BCL9: variants seen among roughly 807,000 people sequenced by gnomAD.
The protein encoded by BCL9 is BCL9 transcription coactivator, also known as B-cell CLL/lymphoma 9 protein.
In BCL9, 25 loss-of-function variants were observed where a neutral mutation model predicts 88.5. That is an observed-to-expected ratio of 0.28 (90% confidence interval 0.21 to 0.39). BCL9 has a LOEUF of 0.39. Ranked by LOEUF, BCL9 falls within the 10% of genes least tolerant of loss-of-function variation. The probability of loss-of-function intolerance (pLI) is 1.00; values close to 1 mark genes in which losing one functional copy is unlikely to be tolerated. For synonymous variants in BCL9, 711 were observed against 673.3 expected, an observed-to-expected ratio of 1.06 and a Z score of -0.87; for missense variants, 1,817 against 1,877.8, an observed-to-expected ratio of 0.97 and a Z score of 0.60.
intron 7 of BCL9, among the ~76,000 whole-genome samples, chr1:147,617,238 AT>A (rs1396915635): frequency 6.6e-6 from 1 of 152,178 alleles, no homozygotes; most frequent in Non-Finnish European, 1.5e-5. Context: ...GCAGTTCTTA[AT>A]ACCTACACCT....
intron 1 of BCL9, among the ~76,000 whole-genome samples, chr1:147,596,945 T>A (rs1657082826): frequency 6.6e-6 from 1 of 152,206 alleles, no homozygotes; most frequent in Non-Finnish European, 1.5e-5. Flanking sequence ...ATAACCCTGA[T>A]ACTAGCTGGC....
intron 1 of BCL9, among the ~76,000 whole-genome samples, chr1:147,555,129 A>G (rs1450466715): frequency 1.3e-5 from 2 of 152,142 alleles, no homozygotes; most frequent in East Asian, 1.9e-4. Context: ...GGGTACTGCT[A>G]TTATCCTCAT....
At chr1:147,584,448 G>A (rs1361686348) in intron 1 of BCL9, among the ~76,000 whole-genome samples, 1 of 152,166 alleles carries the variant, frequency 6.6e-6, no homozygotes, top group Non-Finnish European at 1.5e-5. Context: ...AGTATGAGAT[G>A]AGGATCTTAA....
At chr1:147,593,556 A>G (rs1231087042) in intron 1 of BCL9, among the ~76,000 whole-genome samples, 6 of 152,166 alleles carry the variant, frequency 3.9e-5, no homozygotes, top group African/African-American at 1.2e-4. Context: ...TTGCTTGTCA[A>G]TATTTTTAAC....
intron 1 of BCL9, among the ~76,000 whole-genome samples, chr1:147,552,457 T>C (rs1193293818): frequency 1.3e-5 from 2 of 151,882 alleles, no homozygotes; most frequent in Non-Finnish European, 2.9e-5. Context: ...AAATACAAAA[T>C]TAGCCAGGCG....
intron 1 of BCL9, among the ~76,000 whole-genome samples, chr1:147,602,805 TTG>T (rs1489411043): frequency 5.3e-5 from 8 of 151,780 alleles, no homozygotes; most frequent in African/African-American, 1.9e-4. Flanking sequence ...GCTCTCTTGT[TTG>T]TGGGGGGAAA....
chr1:147,578,147 A>G (rs1053052309), intron 1 of BCL9, among the ~76,000 whole-genome samples: 1 of 152,108 alleles, frequency 6.6e-6, no homozygotes, highest in African/African-American at 2.4e-5. Context: ...CTGGCGAATG[A>G]CTGTGTGACT....
At chr1:147,551,308 C>T (rs1557819335) in intron 1 of BCL9, among the ~76,000 whole-genome samples, 2 of 152,092 alleles carry the variant, frequency 1.3e-5, no homozygotes, top group African/African-American at 4.8e-5. Context: ...AAAGGATTTC[C>T]AAAGTCATAT....
At chr1:147,599,395 G>A (rs984185924) in intron 1 of BCL9, among the ~76,000 whole-genome samples, 8 of 152,238 alleles carry the variant, frequency 5.3e-5, no homozygotes, top group African/African-American at 1.7e-4. Context: ...CTGGGCAGCA[G>A]GGAAGAGTGA....
chr1:147,542,993 G>T (rs587682020), intron 1 of BCL9, among the ~76,000 whole-genome samples: 1 of 152,272 alleles, frequency 6.6e-6, no homozygotes, highest in East Asian at 1.9e-4. Context: ...TACTGTGTGT[G>T]TACGAGGCTA....
At chr1:147,580,942 A>T (rs1656337209) in intron 1 of BCL9, among the ~76,000 whole-genome samples, 1 of 152,132 alleles carries the variant, frequency 6.6e-6, no homozygotes, top group South Asian at 2.1e-4. Flanking sequence ...CTCAGAAAAA[A>T]CCATTGCCCA....
At chr1:147,549,903 T>C (rs1465659457) in intron 1 of BCL9, among the ~76,000 whole-genome samples, 2 of 152,178 alleles carry the variant, frequency 1.3e-5, no homozygotes, top group African/African-American at 4.8e-5. Flanking sequence ...CTCAATCTCA[T>C]AGGTTTTTAA....
rs1393317232 is a variant in BCL9 at position 147,608,353 on chromosome 1, C to T, written c.-260+1487C>T. Among the ~76,000 whole-genome samples, 3 of 2,674 alleles carry T rather than the reference C, an allele frequency of 1.1e-3. 1 individual carries two copies. The highest frequency in any genetic ancestry group is 2.3e-3 in the Non-Finnish European group (2 of 864). The allele number at this position is 2,674 out of a possible 152,430, so 1.8% of individuals were successfully genotyped here. ...TGCTTTTTTTTTTTTTTTTTTTTAG[C>T]ACGGAAAGATTCTACAGCCTGTCTG... On this transcript the variant is annotated intron_variant, in intron 3 of 9. Transcript: ENST00000234739.
rs375433745 is a variant in BCL9 at position 147,561,623 on chromosome 1, C to T, written c.-478+19949C>T. On this transcript the variant is annotated intron_variant, in intron 1 of 9. Transcript: ENST00000234739. ...TTCTTCAACGAATATTTATCAAGCA[C>T]TTCCTTCACATCATGTTTTCTGCTA... Among the ~76,000 whole-genome samples, 15 of 152,348 alleles carry T rather than the reference C, an allele frequency of 9.8e-5. No homozygotes were observed. The East Asian group carries it at 2.7e-3, about 27-fold the overall frequency.
At position 147,624,870 on chromosome 1, in the gene BCL9, C is replaced by T. The variant is rs1658855663; in HGVS notation, c.4192C>T (p.Pro1398Ser). ...ACCCCAACAGAACATCATGATCCCCCCACAGATGAGGCCCCGGGGCATGGC... is the reference window on the plus strand; with the variant it reads ...ACCCCAACAGAACATCATGATCCCCTCACAGATGAGGCCCCGGGGCATGGC... ...MGPQQNIMIPPQMRPRGMAAD... is the reference protein window; with the variant it reads ...MGPQQNIMIPSQMRPRGMAAD... The change falls in exon 10 of 10, where the codon CCA (proline) becomes TCA (serine). Residue 1398 changes from proline (P) to serine (S), a missense_variant. Around this residue, in one of 2 missense-constraint regions of BCL9, gnomAD observed 589 missense variants for 686.2 expected, o/e 0.86. Transcript: ENST00000234739. The surrounding 1 kb of genome is among the most constrained non-coding windows in gnomAD (Gnocchi z 4.4). The T allele has an allele frequency of 6.2e-7, 1 of 1,614,062 alleles. No homozygotes were observed. The highest frequency in any genetic ancestry group is 1.3e-5 in the African/African-American group (1 of 74,932).
intron 7 of BCL9, among the ~76,000 whole-genome samples, chr1:147,616,649 C>T (rs1557857455): frequency 6.6e-6 from 1 of 152,080 alleles, no homozygotes; most frequent in Non-Finnish European, 1.5e-5. Flanking sequence ...TGCCTGTAGT[C>T]CAAGCTACTT....
rs587743328 is a variant in BCL9, at chr1:147,548,967, T to A, written c.-478+7293T>A. ...TTTCGTATACTCTCAAATTCTCTCC[T>A]TTTCTTTCTTTCTTTTTTTTTTTTT... On this transcript the variant is annotated intron_variant, in intron 1 of 9. Coordinates refer to ENST00000234739, the MANE Select transcript of BCL9 (RefSeq NM_004326.4). Among the ~76,000 whole-genome samples, 4 of 86,850 alleles carry A rather than the reference T, an allele frequency of 4.6e-5. No individual in the cohort carries two copies. In the East Asian group the frequency reaches 1.3e-3, roughly 28 times the overall value. The allele number at this position is 86,850 out of a possible 152,430, so 57.0% of individuals were successfully genotyped here.
intron 3 of BCL9, among the ~76,000 whole-genome samples, chr1:147,610,905 G>A (rs1258015270): frequency 6.6e-6 from 1 of 152,134 alleles, no homozygotes; most frequent in Non-Finnish European, 1.5e-5. Context: ...TCATTCCCAT[G>A]CTTACCCATG....
At chr1:147,548,981 T>TTTTC (rs1553194536) in intron 1 of BCL9, among the ~76,000 whole-genome samples, 1 of 127,096 alleles carries the variant, frequency 7.9e-6, no homozygotes, top group Non-Finnish European at 1.6e-5. Context: ...CTTTCTTTCT[T>TTTTC]TTTTTTTTTT....
Sources: allele counts gnomAD v4.1 joint callset (sites outside exome capture counted in the v4.1 genomes callset), GRCh38; gene constraint gnomAD v4.1.1; regional missense constraint gnomAD v4.1.1; non-coding constraint Gnocchi (gnomAD v3.1); transcripts MANE v1.5; gene names NCBI Gene and HGNC (gene_info 2026-07-23, HGNC 2026-07-21).